The following MALRD1 variants were observed in gnomAD, a reference collection of about 807,000 sequenced individuals.
The protein encoded by MALRD1 is MAM and LDL-receptor class A domain-containing protein 1.
Under a neutral mutation model 242.1 loss-of-function variants are expected in MALRD1, and 247 were observed. The ratio of observed to expected loss-of-function variants is 1.02; its 90% CI spans 0.92 to 1.13. MALRD1 has a LOEUF of 1.13. MALRD1 is among the 50% of genes most tolerant of loss of function. The probability of loss-of-function intolerance (pLI) is 0.00; values close to 1 mark genes in which losing one functional copy is unlikely to be tolerated. For missense variants in MALRD1, 2,989 were observed against 2,533.1 expected (o/e 1.18, Z -3.86); for synonymous variants, 995 against 866.6 (o/e 1.15, Z -2.60).
intron 26 of MALRD1, among the ~76,000 whole-genome samples, chr10:19,358,195 A>AGTGTGTGTGT (rs776862926): frequency 0.025 from 3,655 of 145,500 alleles, 115 homozygotes; most frequent in African/African-American, 0.07. Context: ...GCAGGAGTCA[A>AGTGTGTGTGT]GTGTGTGTGT....
intron 21 of MALRD1, among the ~76,000 whole-genome samples, chr10:19,300,361 CTA>C (rs375939459): frequency 5.3e-5 from 8 of 151,878 alleles, no homozygotes; most frequent in African/African-American, 1.9e-4. Flanking sequence ...ATTCAAAAAA[CTA>C]TTCTAAAATT....
At chr10:19,549,804 T>C (rs1835402339) in intron 32 of MALRD1, among the ~76,000 whole-genome samples, 1 of 152,188 alleles carries the variant, frequency 6.6e-6, no homozygotes, top group Non-Finnish European at 1.5e-5. Context: ...TTTAAAGACA[T>C]TAAGTAACTT....
chr10:19,513,468 G>A (rs1369878759), intron 31 of MALRD1, among the ~76,000 whole-genome samples: 2 of 149,832 alleles, frequency 1.3e-5, no homozygotes, highest in South Asian at 4.2e-4. Flanking sequence ...GGCCGGGCGT[G>A]GTGGCTCACG....
Position 19,615,940 on chromosome 10 carries a change from A to AG in MALRD1, c.6137+17_6137+18insG. On this transcript the variant is annotated intron_variant, in intron 36 of 39. Coordinates refer to ENST00000454679, the MANE Select transcript of MALRD1 (RefSeq NM_001142308.3). ...TATGTGTCGGTAAGAAGCATTGTTT[A>AG]ATTTTTTTTTTTAAGATTTTTTGGA... 3 of 1,469,752 alleles carry AG rather than the reference A, an allele frequency of 2.0e-6. No homozygotes were observed. Among genetic ancestry groups the AG allele is most frequent in the Non-Finnish European group, 2.7e-6 (3 of 1,113,118 alleles). The allele number at this position is 1,469,752 out of a possible 1,614,324, so 91.0% of individuals were successfully genotyped here.
chr10:19,619,644 A>C (rs954053096), intron 36 of MALRD1, among the ~76,000 whole-genome samples: 1 of 152,220 alleles, frequency 6.6e-6, no homozygotes, highest in South Asian at 2.1e-4. Context: ...ACAACAGATC[A>C]GTTGCTTTTC....
At chr10:19,689,087 A>G (rs2131815445) in intron 36 of MALRD1, among the ~76,000 whole-genome samples, 1 of 152,352 alleles carries the variant, frequency 6.6e-6, no homozygotes, top group East Asian at 1.9e-4. Context: ...AATTTCTAAA[A>G]ATAAATGTCT....
In MALRD1 at chr10:19,128,404, A is replaced by G. The variant is rs189345145; in HGVS notation, c.1110+17A>G. ...AATAATAAGGTAAGAAGAAAGTTGC[A>G]TTTATTTCAAATTCATTGAATCAAT... On this transcript the variant is annotated intron_variant, in intron 8 of 39. Coordinates refer to ENST00000454679, the MANE Select transcript of MALRD1 (RefSeq NM_001142308.3). 4.5e-5 allele frequency: 55 copies of G among 1,230,414 alleles called. No homozygotes were observed. In the African/African-American group the frequency reaches 5.7e-4, roughly 13 times the overall value. The allele number at this position is 1,230,414 out of a possible 1,614,324, so 76.2% of individuals were successfully genotyped here. A position where few individuals can be genotyped will look rare whatever the true frequency, so the allele number is the denominator to read the frequency against.
At chr10:19,192,362 C>T (rs75516725) in intron 14 of MALRD1, among the ~76,000 whole-genome samples, 1,681 of 151,930 alleles carry the variant, frequency 0.011, 33 homozygotes, top group African/African-American at 0.039. Flanking sequence ...TATTTTATCA[C>T]AATAAAGAAA....
intron 32 of MALRD1, among the ~76,000 whole-genome samples, chr10:19,565,202 T>C (rs1018094880): frequency 1.3e-5 from 2 of 152,032 alleles, no homozygotes; most frequent in African/African-American, 2.4e-5. Flanking sequence ...GTTCATGACA[T>C]TGGGGAGGGA....
intron 26 of MALRD1, among the ~76,000 whole-genome samples, chr10:19,366,090 T>A (rs1845096355): frequency 6.6e-6 from 1 of 152,072 alleles, no homozygotes; most frequent in Non-Finnish European, 1.5e-5. Flanking sequence ...GGTTTAGGGA[T>A]GATTCAAGTA....
At chr10:19,088,427 G>T (rs1214233631) in intron 4 of MALRD1, among the ~76,000 whole-genome samples, 2 of 151,486 alleles carry the variant, frequency 1.3e-5, no homozygotes, top group South Asian at 4.2e-4. Context: ...TGTATTTTAA[G>T]GCATACTAAT....
At chr10:19,226,800 G>A (rs1305244749) in intron 18 of MALRD1, among the ~76,000 whole-genome samples, 1 of 151,886 alleles carries the variant, frequency 6.6e-6, no homozygotes, top group African/African-American at 2.4e-5. Context: ...GTGTGCTAGA[G>A]GTATGAAGTG....
In MALRD1 at chr10:19,264,456, C is replaced by CT. The variant is rs1261988988; in HGVS notation, c.3079+6700dup. Among the ~76,000 whole-genome samples the CT allele has an allele frequency of 0.014, 1,560 of 111,484 alleles. 61 individuals are homozygous for CT. In the East Asian group the frequency reaches 0.19, roughly 13 times the overall value. 73.1% of individuals were successfully genotyped at this position (111,484 alleles called of 152,430 possible). A position where few individuals can be genotyped will look rare whatever the true frequency, so the allele number is the denominator to read the frequency against. On this transcript the variant is annotated intron_variant, in intron 19 of 39. Transcript: ENST00000454679. ...AATTTTTTTTTCCTTTTTTCTTTTT[C>CT]TTTTTTTTTTTTTTTGAGACGGAGT... is the stretch of plus-strand genomic sequence containing the variant.
At chr10:19,567,349 T>C (rs1836299209) in intron 32 of MALRD1, among the ~76,000 whole-genome samples, 153 bp from the exon 33 acceptor site, 3 of 152,162 alleles carry the variant, frequency 2.0e-5, no homozygotes, top group African/African-American at 7.2e-5. Context: ...ATTGGCTCAC[T>C]TTATAACCCA....
intron 27 of MALRD1, 53 bp downstream of exon 27, chr10:19,387,826 C>A (rs1240842888): frequency 6.6e-7 from 1 of 1,512,288 alleles, no homozygotes; most frequent in Non-Finnish European, 8.9e-7. Context: ...CAATGTACAT[C>A]AAAATGTCTT....
intron 33 of MALRD1, among the ~76,000 whole-genome samples, chr10:19,590,179 A>G (rs1201122769): frequency 6.6e-6 from 1 of 151,634 alleles, no homozygotes; most frequent in African/African-American, 2.4e-5. Flanking sequence ...TAGAACATAG[A>G]AATTTTAAGA....
intron 10 of MALRD1, among the ~76,000 whole-genome samples, chr10:19,144,457 C>T (rs1438353035): frequency 2.0e-5 from 3 of 152,086 alleles, no homozygotes; most frequent in African/African-American, 7.2e-5. Flanking sequence ...ATTTGCATAC[C>T]GCACTTCAAT....
intron 36 of MALRD1, among the ~76,000 whole-genome samples, chr10:19,671,157 G>T (rs1481559276): frequency 6.6e-6 from 1 of 151,942 alleles, no homozygotes; most frequent in East Asian, 1.9e-4. Flanking sequence ...AGTACACACT[G>T]TGGAATGTAC....
In MALRD1 at chr10:19,634,181, C is replaced by T. The variant is rs77978164; in HGVS notation, c.6137+18258C>T. ...AAAATACCTGCCAGGCCCAGAGAAC[C>T]GGAAGCACACTGAAATCAAAAAGTT... On this transcript the variant is annotated intron_variant, in intron 36 of 39. Transcript: ENST00000454679. Among the ~76,000 whole-genome samples, 408 of 152,150 alleles carry T rather than the reference C, an allele frequency of 2.7e-3. 8 individuals are homozygous for T. In the East Asian group the frequency reaches 0.06, roughly 23 times the overall value.
Sources: gnomAD v4.1 joint callset for allele counts (sites outside exome capture counted in the v4.1 genomes callset) on GRCh38, gnomAD v4.1.1 for gene constraint, MANE v1.5 for transcripts, NCBI Gene and HGNC (gene_info 2026-07-23, HGNC 2026-07-21) for gene names.